Variants in KSR2 observed in about 807,000 individuals in gnomAD.
KSR2 encodes kinase suppressor of ras 2.
KSR2 carries 25 observed loss-of-function variants against 107.8 expected under a neutral mutation model. The observed-to-expected ratio is 0.23, with a 90% CI of 0.17 to 0.32. KSR2 has a LOEUF of 0.32. KSR2 is among the 10% of genes least tolerant of loss of function. The pLI is 1.00. For synonymous variants in KSR2, 480 were observed against 507.0 expected (o/e 0.95, Z 0.71); for missense variants, 887 against 1,268.9 (o/e 0.70, Z 4.57).
At chr12:117,678,931 G>C (rs920255094) in intron 4 of KSR2, among the ~76,000 whole-genome samples, 1 of 152,160 alleles carries the variant, frequency 6.6e-6, no homozygotes, top group Non-Finnish European at 1.5e-5. Flanking sequence ...AGCAGACAAG[G>C]TCTGCTGAGG....
chr12:117,522,785 C>A lies in KSR2; in HGVS notation c.2219+2067G>T, dbSNP rs145046807. On this transcript the variant is annotated intron_variant, in intron 14 of 19. Transcript: ENST00000339824. Reference sequence around the variant, plus strand: ...GGATATCCCCTGACAATCTGCCAACCAGCAGACACACAGATGAGGGCATCT... The same window carrying A: ...GGATATCCCCTGACAATCTGCCAACAAGCAGACACACAGATGAGGGCATCT... Among the ~76,000 whole-genome samples, 12 of 152,292 alleles carry A rather than the reference C, an allele frequency of 7.9e-5. No individual in the cohort carries two copies. In the East Asian group the frequency reaches 2.1e-3, roughly 27 times the overall value.
intron 4 of KSR2, among the ~76,000 whole-genome samples, chr12:117,726,349 C>T (rs191155246): frequency 1.4e-4 from 21 of 152,212 alleles, no homozygotes; most frequent in South Asian, 6.2e-4. Context: ...AAGCAAAACA[C>T]GATAACATTT....
chr12:117,468,038 C>T (rs1871247413), intron 19 of KSR2, among the ~76,000 whole-genome samples: 1 of 152,038 alleles, frequency 6.6e-6, no homozygotes, highest in Non-Finnish European at 1.5e-5. Flanking sequence ...CTAGGTCCTG[C>T]CTGGAGCTCC....
At position 117,515,007 on chromosome 12, in the gene KSR2, C is replaced by T. The variant is rs1305110322; in HGVS notation, c.2219+9845G>A. On this transcript the variant is annotated intron_variant, in intron 14 of 19. Coordinates refer to ENST00000339824, the MANE Select transcript of KSR2 (RefSeq NM_173598.6). ...CCCTTCTTGTCCATCTGCCTAATTA[C>T]TTGGTTGGATAAGGGGCAGGTTCCA... is the stretch of plus-strand genomic sequence containing the variant. Among the ~76,000 whole-genome samples the T allele has an allele frequency of 3.3e-5, 5 of 152,164 alleles. No homozygotes were observed. In the South Asian group the frequency reaches 1.0e-3, roughly 32 times the overall value.
Position 117,549,113 on chromosome 12 carries a change from G to C in KSR2, c.1518+6056C>G, listed in dbSNP as rs117103277. ...ACTCTGATCCAACATTAGTAGAAAG[G>C]CATCAGGAAGCCTTCGCACTCTATC... On this transcript the variant is annotated intron_variant, in intron 9 of 19. Coordinates refer to ENST00000339824, the MANE Select transcript of KSR2 (RefSeq NM_173598.6). Among the ~76,000 whole-genome samples, 50 of 152,286 alleles carry C rather than the reference G, an allele frequency of 3.3e-4. 2 individuals carry two copies. In the East Asian group the frequency reaches 7.5e-3, roughly 23 times the overall value.
intron 1 of KSR2, among the ~76,000 whole-genome samples, chr12:117,959,960 A>AC (rs1896614114): frequency 6.6e-6 from 1 of 151,388 alleles, no homozygotes; most frequent in South Asian, 2.1e-4. Context: ...AACTTCAAGT[A>AC]CCTTAGCGTC....
intron 1 of KSR2, among the ~76,000 whole-genome samples, chr12:117,959,415 C>A (rs1205497582): frequency 2.0e-5 from 3 of 152,152 alleles, no homozygotes; most frequent in Non-Finnish European, 4.4e-5. Flanking sequence ...TTCATCAGCA[C>A]CTTCCACATA....
At chr12:117,485,186 T>C (rs1425501350) in intron 15 of KSR2, among the ~76,000 whole-genome samples, 1 of 152,236 alleles carries the variant, frequency 6.6e-6, no homozygotes, top group Non-Finnish European at 1.5e-5. Context: ...ATGTTCTTGT[T>C]TGTTTTAATC....
intron 1 of KSR2, among the ~76,000 whole-genome samples, chr12:117,899,401 G>A (rs1002973145): frequency 3.3e-5 from 5 of 152,130 alleles, no homozygotes; most frequent in Non-Finnish European, 7.4e-5. Context: ...GCTGAGGCGG[G>A]AGGATCACTT....
chr12:117,740,164 G>A (rs1209628410), intron 4 of KSR2, among the ~76,000 whole-genome samples: 2 of 150,010 alleles, frequency 1.3e-5, no homozygotes, highest in African/African-American at 4.9e-5. Flanking sequence ...CCACTTATGA[G>A]TGAGAACATA....
chr12:117,604,141 C>T (rs1881101670), intron 5 of KSR2, among the ~76,000 whole-genome samples: 1 of 152,184 alleles, frequency 6.6e-6, no homozygotes, highest in Non-Finnish European at 1.5e-5. Context: ...GGCTCAGCTG[C>T]ACATGTGCAC....
intron 1 of KSR2, among the ~76,000 whole-genome samples, chr12:117,888,307 TCC>T (rs1894238716): frequency 6.6e-6 from 1 of 152,132 alleles, no homozygotes; most frequent in Non-Finnish European, 1.5e-5. Context: ...AAATAAATGT[TCC>T]ACCATATATC....
chr12:117,853,055 G>A (rs911558227), intron 3 of KSR2, among the ~76,000 whole-genome samples: 5 of 152,028 alleles, frequency 3.3e-5, no homozygotes, highest in Admixed American at 6.6e-5. Context: ...CACCGGCCTC[G>A]GCCTCCTAAA....
At chr12:117,710,212 C>G (rs746865756) in intron 4 of KSR2, among the ~76,000 whole-genome samples, 1 of 149,998 alleles carries the variant, frequency 6.7e-6, no homozygotes, top group Non-Finnish European at 1.5e-5. Flanking sequence ...ATCAAACCAT[C>G]GCTGCTGTTT....
intron 14 of KSR2, among the ~76,000 whole-genome samples, chr12:117,521,418 A>T (rs1395327684): frequency 6.6e-6 from 1 of 152,182 alleles, no homozygotes; most frequent in East Asian, 1.9e-4. Flanking sequence ...ACTTTCACTC[A>T]ACTCTATTGG....
At chr12:117,855,676 T>C in intron 2 of KSR2, 98 bp from the exon 3 acceptor site, 2 of 1,240,642 alleles carry the variant, frequency 1.6e-6, no homozygotes, top group Admixed American at 2.0e-5. Context: ...CACTCCGCAG[T>C]GTAAACGCTT....
At chr12:117,700,945 C>T (rs1886278564) in intron 4 of KSR2, among the ~76,000 whole-genome samples, 1 of 152,186 alleles carries the variant, frequency 6.6e-6, no homozygotes, top group Non-Finnish European at 1.5e-5. Flanking sequence ...CAACATTACC[C>T]CTCTCCATCA....
At chr12:117,955,291 T>C (rs948976314) in intron 1 of KSR2, among the ~76,000 whole-genome samples, 3 of 152,048 alleles carry the variant, frequency 2.0e-5, no homozygotes, top group Non-Finnish European at 2.9e-5. Context: ...TAGACTCAGC[T>C]AATTTTTTAT....
At chr12:117,690,404 A>C (rs1885763995) in intron 4 of KSR2, among the ~76,000 whole-genome samples, 1 of 152,098 alleles carries the variant, frequency 6.6e-6, no homozygotes, top group African/African-American at 2.4e-5. Context: ...TCTCTATTAA[A>C]AATACAAAAA....
Sources: gnomAD v4.1 joint callset for allele counts (sites outside exome capture counted in the v4.1 genomes callset) on GRCh38, gnomAD v4.1.1 for gene constraint, MANE v1.5 for transcripts, NCBI Gene and HGNC (gene_info 2026-07-23, HGNC 2026-07-21) for gene names.